COL14A1: variants seen among roughly 807,000 people sequenced by gnomAD.
COL14A1 encodes the protein collagen type XIV alpha 1 chain.
COL14A1 carries 136 observed loss-of-function variants against 230.3 expected under a neutral mutation model. The observed-to-expected ratio is 0.59, with a 90% confidence interval of 0.51 to 0.68. The LOEUF is 0.68. COL14A1 is among the 30% of genes least tolerant of loss of function. The pLI, the probability that COL14A1 is intolerant of heterozygous loss-of-function variation, is 0.00. For missense variants in COL14A1, 1,976 were observed against 2,215.8 expected (o/e 0.89, Z 2.17); for synonymous variants, 792 against 784.1 (o/e 1.01, Z -0.17).
At chr8:120,292,587 TCA>T (rs1820405771) in intron 34 of COL14A1, among the ~76,000 whole-genome samples, 2 of 152,122 alleles carry the variant, frequency 1.3e-5, no homozygotes, top group Admixed American at 1.3e-4. Context: ...AAGAGAAGTC[TCA>T]GTTTTCAATT....
chr8:120,372,213 C>A lies in COL14A1; in HGVS notation c.*982C>A, dbSNP rs921934404. On this transcript the variant is annotated 3_prime_UTR_variant, in exon 48 of 48. Transcript: ENST00000297848. ...TGAGTGCAGTAGAAAACAGAAGAAGCAGTTAACTTGGGACTAAGAGATTAG... is the reference window on the plus strand; with the variant it reads ...TGAGTGCAGTAGAAAACAGAAGAAGAAGTTAACTTGGGACTAAGAGATTAG... Among the ~76,000 whole-genome samples the A allele has an allele frequency of 2.0e-5, 3 of 152,152 alleles. No individual in the cohort carries two copies. Among genetic ancestry groups the A allele is most frequent in the Non-Finnish European group, 4.4e-5 (3 of 68,034 alleles).
intron 19 of COL14A1, among the ~76,000 whole-genome samples, chr8:120,238,670 C>A (rs569419403): frequency 5.3e-5 from 8 of 152,292 alleles, no homozygotes; most frequent in African/African-American, 1.4e-4. Flanking sequence ...TAAACTCTTG[C>A]AGCTAGCTCG....
At chr8:120,337,138 C>G (rs1164020134) in intron 42 of COL14A1, among the ~76,000 whole-genome samples, 1 of 152,000 alleles carries the variant, frequency 6.6e-6, no homozygotes, top group Non-Finnish European at 1.5e-5. Context: ...TGCCTGTAAT[C>G]CCAGCACTTT....
intron 36 of COL14A1, among the ~76,000 whole-genome samples, chr8:120,306,454 AT>A (rs1820861770): frequency 6.6e-6 from 1 of 152,322 alleles, no homozygotes; most frequent in South Asian, 2.1e-4. Context: ...ATAAAGCGTA[AT>A]AAACTAAGAA....
chr8:120,299,894 C>T (rs991349978), intron 35 of COL14A1, among the ~76,000 whole-genome samples: 1 of 151,882 alleles, frequency 6.6e-6, no homozygotes, highest in Non-Finnish European at 1.5e-5. Flanking sequence ...TTTATTTTCC[C>T]CCAAAGTCTT....
intron 35 of COL14A1, among the ~76,000 whole-genome samples, chr8:120,298,816 G>A (rs1820617154): frequency 6.6e-6 from 1 of 150,966 alleles, no homozygotes; most frequent in South Asian, 2.1e-4. Context: ...TTGTTCTCAT[G>A]CTGCTAATAA....
At position 120,369,400 on chromosome 8, in the gene COL14A1, T is replaced by C. The variant is rs757397705; in HGVS notation, c.5226T>C (p.Gly1742=). The change falls in exon 47 of 48, where the codon GGT becomes GGC. Residue 1742 remains glycine (G), a synonymous_variant. Transcript: ENST00000297848. ...CTCCTGGACCAAGAGGCCCACCAGGTCATCTGGGGGTTCCTGGACCCCAAG... is the reference window on the plus strand; with the variant it reads ...CTCCTGGACCAAGAGGCCCACCAGGCCATCTGGGGGTTCCTGGACCCCAAG... ...PGSPGPRGPP[G]HLGVPGPQGP... is the part of the protein sequence containing the mutation. The C allele has an allele frequency of 6.2e-7, 1 of 1,610,646 alleles. No individual in the cohort carries two copies.
At chr8:120,366,431 A>G (rs1823408513) in intron 45 of COL14A1, among the ~76,000 whole-genome samples, 1 of 152,232 alleles carries the variant, frequency 6.6e-6, no homozygotes, top group African/African-American at 2.4e-5. Context: ...GATGTAAGCC[A>G]GGGTAACCCA....
chr8:120,298,264 G>A (rs1344960026), intron 35 of COL14A1, among the ~76,000 whole-genome samples: 1 of 151,828 alleles, frequency 6.6e-6, no homozygotes, highest in African/African-American at 2.4e-5. Flanking sequence ...TCATTCACAC[G>A]AAGTCCAGTG....
At chr8:120,320,879 A>G (rs1821415078) in intron 40 of COL14A1, among the ~76,000 whole-genome samples, 1 of 152,222 alleles carries the variant, frequency 6.6e-6, no homozygotes, top group African/African-American at 2.4e-5. Flanking sequence ...CTTTGCAATT[A>G]TGATGTTCTC....
intron 45 of COL14A1, among the ~76,000 whole-genome samples, chr8:120,360,717 T>C (rs938329400): frequency 6.6e-6 from 1 of 152,228 alleles, no homozygotes; most frequent in African/African-American, 2.4e-5. Context: ...CTGTGTTTCC[T>C]ACTCCATGAC....
chr8:120,212,350 A>C lies in COL14A1; in HGVS notation c.1468-98A>C, dbSNP rs117409298. 6.2e-5 allele frequency: 77 copies of C among 1,232,770 alleles called. 1 individual carries two copies. The East Asian group carries it at 1.9e-3, about 30-fold the overall frequency. The allele number at this position is 1,232,770 out of a possible 1,614,324, so 76.4% of individuals were successfully genotyped here. On this transcript the variant is annotated intron_variant, in intron 12 of 47. Coordinates refer to ENST00000297848, the MANE Select transcript of COL14A1 (RefSeq NM_021110.4). ...ATGAAGGGGTTGTAACAGGACGTAAAGTCTTATCCCATGAAGTCTCACCTT... is the reference window on the plus strand; with the variant it reads ...ATGAAGGGGTTGTAACAGGACGTAACGTCTTATCCCATGAAGTCTCACCTT...
chr8:120,302,202 G>A (rs917469017), intron 36 of COL14A1, among the ~76,000 whole-genome samples: 29 of 152,286 alleles, frequency 1.9e-4, no homozygotes, highest in African/African-American at 6.7e-4. Context: ...TTACTCTGTT[G>A]ATAGTTACTT....
intron 40 of COL14A1, among the ~76,000 whole-genome samples, chr8:120,326,395 G>T (rs145296833): frequency 6.6e-6 from 1 of 152,164 alleles, no homozygotes; most frequent in Non-Finnish European, 1.5e-5. Flanking sequence ...TGACTGTCTT[G>T]TTCATCATTG....
intron 13 of COL14A1, among the ~76,000 whole-genome samples, chr8:120,215,080 C>T (rs895470256): frequency 1.3e-5 from 2 of 152,168 alleles, no homozygotes; most frequent in East Asian, 3.9e-4. Flanking sequence ...GCCATAAAGA[C>T]CATTCTAGGC....
intron 14 of COL14A1, 116 bp downstream of exon 14, chr8:120,216,606 C>T: frequency 1.8e-6 from 2 of 1,091,492 alleles, no homozygotes; most frequent in Non-Finnish European, 2.6e-6. Context: ...TATTTATTGT[C>T]TCGCATAGTT....
chr8:120,363,732 G>C (rs1823309068), intron 45 of COL14A1, among the ~76,000 whole-genome samples: 1 of 152,200 alleles, frequency 6.6e-6, no homozygotes. Context: ...GCAGTCAAGA[G>C]GCCTATAGTT....
intron 22 of COL14A1, among the ~76,000 whole-genome samples, chr8:120,254,015 GA>G (rs1197049060): frequency 1.6e-4 from 24 of 152,138 alleles, no homozygotes; most frequent in Admixed American, 5.2e-4. Context: ...TTGGCTTTAG[GA>G]AAAAAGTCTT....
At chr8:120,315,696 T>G in intron 39 of COL14A1, 110 bp downstream of exon 39, 1 of 920,798 alleles carries the variant, frequency 1.1e-6, no homozygotes, top group Non-Finnish European at 1.7e-6. Flanking sequence ...GTGTTTTCCA[T>G]ATTAAAGACT....
Sources: allele counts gnomAD v4.1 joint callset (sites outside exome capture counted in the v4.1 genomes callset), GRCh38; gene constraint gnomAD v4.1.1; transcripts MANE v1.5; gene names NCBI Gene and HGNC (gene_info 2026-07-23, HGNC 2026-07-21).